Variants in UBE2E2 observed in about 807,000 individuals in gnomAD.
UBE2E2 encodes ubiquitin-conjugating enzyme E2 E2.
In UBE2E2, 6 loss-of-function variants were observed where a neutral mutation model predicts 24.7. That is an observed-to-expected ratio of 0.24 (90% CI 0.13 to 0.48). UBE2E2 has a LOEUF of 0.48. UBE2E2 is among the 20% of genes least tolerant of loss of function. The pLI is 0.99. For missense variants in UBE2E2, 169 were observed against 245.0 expected (o/e 0.69, Z 2.07); for synonymous variants, 104 against 83.6 (o/e 1.24, Z -1.33).
At chr3:23,237,041 GAC>G (rs932969726) in intron 3 of UBE2E2, among the ~76,000 whole-genome samples, 2 of 152,118 alleles carry the variant, frequency 1.3e-5, no homozygotes, top group African/African-American at 4.8e-5. Context: ...CTTTTGGAGA[GAC>G]TGGCTAGACT....
chr3:23,486,504 A>C (rs967477676), intron 3 of UBE2E2, among the ~76,000 whole-genome samples: 11 of 152,188 alleles, frequency 7.2e-5, no homozygotes, highest in African/African-American at 2.7e-4. Flanking sequence ...GTCATGTTTC[A>C]GCTAGTTTGT....
At chr3:23,282,026 C>T (rs1489483835) in intron 3 of UBE2E2, among the ~76,000 whole-genome samples, 1 of 152,144 alleles carries the variant, frequency 6.6e-6, no homozygotes, top group Non-Finnish European at 1.5e-5. Flanking sequence ...TGAAACTTGG[C>T]TTTTGAAATT....
intron 3 of UBE2E2, among the ~76,000 whole-genome samples, chr3:23,389,131 G>A (rs934206081): frequency 7.2e-5 from 11 of 152,212 alleles, no homozygotes; most frequent in African/African-American, 9.6e-5. Flanking sequence ...ATATGAAGAC[G>A]CTTACCTCCT....
At chr3:23,542,625 G>A (rs1202336376) in intron 5 of UBE2E2, among the ~76,000 whole-genome samples, 1 of 152,074 alleles carries the variant, frequency 6.6e-6, no homozygotes, top group Non-Finnish European at 1.5e-5. Context: ...TGTATTTTCT[G>A]TATTGGCTTT....
intron 3 of UBE2E2, among the ~76,000 whole-genome samples, chr3:23,458,686 G>A (rs1306683193): frequency 3.9e-5 from 6 of 152,060 alleles, no homozygotes; most frequent in Admixed American, 3.9e-4. Flanking sequence ...CAAAGTGCTA[G>A]GATTACAGGT....
intron 3 of UBE2E2, among the ~76,000 whole-genome samples, chr3:23,296,758 G>T (rs559489894): frequency 2.6e-5 from 4 of 152,090 alleles, no homozygotes; most frequent in African/African-American, 4.8e-5. Flanking sequence ...GAATAGTGCC[G>T]CAATAAACAT....
In UBE2E2 at chr3:23,591,336, C is replaced by CTA. The variant is rs1441408565; in HGVS notation, c.*1506_*1507dup. The stretch of plus-strand genomic sequence containing the variant: ...ATTTATAAGCATAAGTCATCCACCT[C>CTA]TAAATATTTTAACATTTAAAATGCC... On this transcript the variant is annotated 3_prime_UTR_variant, in exon 6 of 6. Transcript: ENST00000396703. 1 of 152,148 alleles carries CTA rather than the reference C, an allele frequency of 6.6e-6. No individual in the cohort carries two copies. Among genetic ancestry groups the CTA allele is most frequent in the African/African-American group, 2.4e-5 (1 of 41,426 alleles). The allele number at this position is 152,148 out of a possible 1,614,324, so 9.4% of individuals were successfully genotyped here.
At chr3:23,306,076 G>A (rs1699228628) in intron 3 of UBE2E2, among the ~76,000 whole-genome samples, 1 of 152,186 alleles carries the variant, frequency 6.6e-6, no homozygotes, top group Admixed American at 6.5e-5. Context: ...GATAAAAAAG[G>A]AAGAGACTGA....
chr3:23,326,470 A>G (rs1375736341), intron 3 of UBE2E2, among the ~76,000 whole-genome samples: 1 of 152,142 alleles, frequency 6.6e-6, no homozygotes, highest in Non-Finnish European at 1.5e-5. Flanking sequence ...TTTGGAATTA[A>G]CCCTTTGAGC....
intron 3 of UBE2E2, among the ~76,000 whole-genome samples, chr3:23,484,271 AG>A (rs1699315263): frequency 6.6e-6 from 1 of 152,138 alleles, no homozygotes; most frequent in Non-Finnish European, 1.5e-5. Flanking sequence ...CCTTTTATGA[AG>A]CCTTTCCCTG....
chr3:23,472,705 G>A (rs1211531663), intron 3 of UBE2E2, among the ~76,000 whole-genome samples: 7 of 150,316 alleles, frequency 4.7e-5, no homozygotes, highest in Admixed American at 4.0e-4. Context: ...CTGGAGTGCA[G>A]TGCCGTGATC....
chr3:23,421,808 G>T (rs895462511), intron 3 of UBE2E2, among the ~76,000 whole-genome samples: 26 of 152,250 alleles, frequency 1.7e-4, no homozygotes, highest in African/African-American at 6.3e-4. Flanking sequence ...TGGCCAGAGG[G>T]CATGGAATAA....
intron 3 of UBE2E2, among the ~76,000 whole-genome samples, chr3:23,496,518 A>C (rs1559402676): frequency 6.6e-6 from 1 of 152,046 alleles, no homozygotes; most frequent in Non-Finnish European, 1.5e-5. Context: ...CTTGTTTTTA[A>C]GCTTTGTAGA....
At chr3:23,540,940 A>G (rs2125492087) in intron 5 of UBE2E2, among the ~76,000 whole-genome samples, 1 of 152,368 alleles carries the variant, frequency 6.6e-6, no homozygotes, top group African/African-American at 2.4e-5. Context: ...ATTTTTAAAC[A>G]TGAAATTAAG....
At chr3:23,488,172 A>T (rs1019335779) in intron 3 of UBE2E2, among the ~76,000 whole-genome samples, 11 of 151,594 alleles carry the variant, frequency 7.3e-5, no homozygotes, top group African/African-American at 2.7e-4. Flanking sequence ...ACTTGTCTTG[A>T]TAATAACTCT....
At chr3:23,240,041 AAG>A (rs1559452154) in intron 3 of UBE2E2, among the ~76,000 whole-genome samples, 1 of 152,166 alleles carries the variant, frequency 6.6e-6, no homozygotes, top group Non-Finnish European at 1.5e-5. Flanking sequence ...ATGGATCATA[AAG>A]GAGCCTGGTT....
chr3:23,331,888 C>T (rs1414763614), intron 3 of UBE2E2, among the ~76,000 whole-genome samples: 1 of 152,160 alleles, frequency 6.6e-6, no homozygotes, highest in Non-Finnish European at 1.5e-5. Flanking sequence ...GTATACTTGT[C>T]TAGTTGCTTA....
At chr3:23,360,512 G>A (rs528828448) in intron 3 of UBE2E2, among the ~76,000 whole-genome samples, 1 of 152,292 alleles carries the variant, frequency 6.6e-6, no homozygotes, top group South Asian at 2.1e-4. Context: ...TTTGATGGTA[G>A]TGTTCAAAAT....
chr3:23,260,528 C>T (rs550615670), intron 3 of UBE2E2, among the ~76,000 whole-genome samples: 2 of 152,182 alleles, frequency 1.3e-5, no homozygotes, highest in South Asian at 2.1e-4. Context: ...TTTAATGGAA[C>T]TTATGGCCTG....
Sources: gnomAD v4.1 joint callset for allele counts (sites outside exome capture counted in the v4.1 genomes callset) on GRCh38, gnomAD v4.1.1 for gene constraint, MANE v1.5 for transcripts, NCBI Gene and HGNC (gene_info 2026-07-23, HGNC 2026-07-21) for gene names.